CD99: variants seen among roughly 807,000 people sequenced by gnomAD.
CD99 encodes CD99 molecule (Xg blood group).
Under a neutral mutation model 28.4 loss-of-function variants are expected in CD99, and 19 were observed. The observed-to-expected ratio is 0.67, with a 90% confidence interval of 0.47 to 0.98. The LOEUF is 0.98. Among genes scored for constraint, CD99 ranks in the 50% least tolerant of loss-of-function variants. The pLI is 0.00. For synonymous variants in CD99, 103 were observed against 92.1 expected (o/e 1.12, Z -0.67); for missense variants, 283 against 248.8 (o/e 1.14, Z -0.92).
intron 8 of CD99, chrX:2,733,280 C>G: frequency 6.9e-7 from 1 of 1,456,232 alleles, no homozygotes; most frequent in Non-Finnish European, 9.4e-7. Flanking sequence ...GGAGCCCCAG[C>G]GCACAGCAAA....
chrX:2,702,146 C>T (rs900813429), intron 1 of CD99, among the ~76,000 whole-genome samples: 3 of 152,118 alleles, frequency 2.0e-5, no homozygotes, highest in African/African-American at 4.8e-5. Flanking sequence ...TGTGAGAAAG[C>T]GCTTCAGGTG....
chrX:2,726,068 A>T (rs2049265806), intron 7 of CD99, among the ~76,000 whole-genome samples, 192 bp from the exon 8 acceptor site: 1 of 151,832 alleles, frequency 6.6e-6, no homozygotes, highest in Non-Finnish European at 1.5e-5. Flanking sequence ...GCGATGGGAG[A>T]TTGTGCCTTG....
intron 1 of CD99, among the ~76,000 whole-genome samples, chrX:2,699,125 T>G (rs1247796339): frequency 6.7e-6 from 1 of 149,426 alleles, no homozygotes. Context: ...TTTCTTTTCT[T>G]TCCTCTTCTT....
At chrX:2,699,499 T>G (rs1460503378) in intron 1 of CD99, among the ~76,000 whole-genome samples, 1 of 137,262 alleles carries the variant, frequency 7.3e-6, no homozygotes, top group Non-Finnish European at 1.5e-5. Flanking sequence ...AATTACAGAG[T>G]CTCACTCTGT....
At chrX:2,708,456 T>G (rs2048226179) in intron 1 of CD99, among the ~76,000 whole-genome samples, 1 of 152,132 alleles carries the variant, frequency 6.6e-6, no homozygotes, top group Non-Finnish European at 1.5e-5. Flanking sequence ...GGGGACAGAC[T>G]GACAGAGCCT....
chrX:2,716,463 A>C lies in CD99; in HGVS notation c.101-1142A>C, dbSNP rs148814030. Among the ~76,000 whole-genome samples the C allele has an allele frequency of 4.4e-4, 67 of 152,194 alleles. No homozygotes were observed. In the East Asian group the frequency reaches 0.013, roughly 29 times the overall value. On this transcript the variant is annotated intron_variant, in intron 2 of 9. Transcript: ENST00000381192. ...GCAGTCCTCCCACCTCAGCCTGCTG[A>C]GTAGCTGGGACTACAGGCATGTGCC...
At chrX:2,702,046 G>A (rs2047888673) in intron 1 of CD99, among the ~76,000 whole-genome samples, 1 of 151,824 alleles carries the variant, frequency 6.6e-6, no homozygotes, top group Admixed American at 6.5e-5. Context: ...CCCCACAGAT[G>A]TGTGTAATTT....
chrX:2,692,415 C>T (rs752305627), intron 1 of CD99, among the ~76,000 whole-genome samples: 10 of 152,202 alleles, frequency 6.6e-5, no homozygotes, highest in African/African-American at 2.4e-4. Context: ...ACGGAGGAGG[C>T]CCGATTTGTG....
At chrX:2,726,993 C>T (rs2049322187) in intron 8 of CD99, among the ~76,000 whole-genome samples, 1 of 152,080 alleles carries the variant, frequency 6.6e-6, no homozygotes, top group Non-Finnish European at 1.5e-5. Flanking sequence ...AAAAATTAGC[C>T]GGGCATGGTG....
intron 8 of CD99, among the ~76,000 whole-genome samples, chrX:2,729,041 C>T (rs2049451810): frequency 6.6e-6 from 1 of 151,966 alleles, no homozygotes; most frequent in South Asian, 2.1e-4. Flanking sequence ...ATGTTGGACA[C>T]ACTGGTCTCG....
At chrX:2,723,173 G>A (rs1160167396) in intron 6 of CD99, 141 bp from the exon 7 acceptor site, 1 of 833,738 alleles carries the variant, frequency 1.2e-6, no homozygotes, top group East Asian at 2.4e-5. Flanking sequence ...AGTGTAATAG[G>A]CAGGACCCCA....
intron 8 of CD99, among the ~76,000 whole-genome samples, chrX:2,729,933 G>C (rs1156241377): frequency 4.0e-4 from 61 of 152,076 alleles, no homozygotes. Flanking sequence ...AAAGAGGATT[G>C]CTTGAGCCCA....
intron 6 of CD99, 58 bp downstream of exon 6, chrX:2,722,732 T>C: frequency 6.7e-7 from 1 of 1,489,682 alleles, no homozygotes; most frequent in Non-Finnish European, 9.4e-7. Context: ...GCCCACCTGC[T>C]CTGTAGAATC....
chrX:2,722,563 C>G (rs2049044937), intron 5 of CD99, 64 bp from the exon 6 acceptor site: 2 of 1,447,826 alleles, frequency 1.4e-6, no homozygotes, highest in Admixed American at 1.7e-5. Flanking sequence ...TTCCTTTATT[C>G]TAAGACATGA....
chrX:2,730,538 C>T (rs943743851), intron 8 of CD99, among the ~76,000 whole-genome samples: 1 of 152,072 alleles, frequency 6.6e-6, no homozygotes, highest in Non-Finnish European at 1.5e-5. Flanking sequence ...CCAAGATTCA[C>T]TTTATACTAA....
chrX:2,733,526 G>A (rs1316713177), intron 8 of CD99: 26 of 763,942 alleles, frequency 3.4e-5, no homozygotes, highest in South Asian at 2.7e-4. Flanking sequence ...ATCACATGGC[G>A]GATTCTCTGC....
chrX:2,714,350 T>C, intron 1 of CD99, 72 bp from the exon 2 acceptor site: 1 of 1,238,004 alleles, frequency 8.1e-7, no homozygotes, highest in Non-Finnish European at 1.1e-6. Flanking sequence ...CGCATATCTT[T>C]TTTATCTCTA....
chrX:2,696,545 T>C (rs2047584797), intron 1 of CD99, among the ~76,000 whole-genome samples: 1 of 152,024 alleles, frequency 6.6e-6, no homozygotes, highest in African/African-American at 2.4e-5. Context: ...GGATTACAGG[T>C]GCCCGCCACC....
chrX:2,721,482 G>C (rs1569442140), intron 5 of CD99, among the ~76,000 whole-genome samples: 1 of 151,968 alleles, frequency 6.6e-6, no homozygotes, highest in Non-Finnish European at 1.5e-5. Context: ...TTTTTGTAGA[G>C]GTGGGGTCTC....
Sources: gnomAD v4.1 joint callset for allele counts (sites outside exome capture counted in the v4.1 genomes callset) on GRCh38, gnomAD v4.1.1 for gene constraint, MANE v1.5 for transcripts, NCBI Gene and HGNC (gene_info 2026-07-23, HGNC 2026-07-21) for gene names.